Variants in GRHL2 observed in about 807,000 individuals in gnomAD.
GRHL2 encodes grainyhead-like protein 2 homolog.
In GRHL2, 21 loss-of-function variants were observed where a neutral mutation model predicts 83.8. The ratio of observed to expected loss-of-function variants is 0.25; its 90% CI spans 0.18 to 0.36. GRHL2 has a LOEUF of 0.36. Ranked by LOEUF, GRHL2 falls within the 10% of genes least tolerant of loss-of-function variation. GRHL2 has a pLI of 1.00. For synonymous variants in GRHL2, 280 were observed against 278.9 expected (o/e 1.00, Z -0.04); for missense variants, 623 against 781.8 (o/e 0.80, Z 2.42).
chr8:101,596,258 C>A (rs1463733542), intron 7 of GRHL2, among the ~76,000 whole-genome samples: 1 of 152,104 alleles, frequency 6.6e-6, no homozygotes, highest in South Asian at 2.1e-4. Context: ...TAATGAGTCA[C>A]CATGTTTTGC....
chr8:101,565,263 A>G (rs1811692483), intron 4 of GRHL2, among the ~76,000 whole-genome samples: 1 of 152,132 alleles, frequency 6.6e-6, no homozygotes, highest in African/African-American at 2.4e-5. Flanking sequence ...ATATTTTAAG[A>G]AACATTTAAA....
In GRHL2 at chr8:101,543,183, A is replaced by G; in HGVS notation, c.21-58A>G. ...GTAGTCATGTAATATGTATATTATT[A>G]GGGGTAAAAAATTTGCTCTCTCTGA... On this transcript the variant is annotated intron_variant, in intron 1 of 15. Coordinates refer to ENST00000646743, the MANE Select transcript of GRHL2 (RefSeq NM_024915.4). 4 of 1,200,142 alleles carry G rather than the reference A, an allele frequency of 3.3e-6. 1 individual carries two copies. The South Asian group carries it at 4.9e-5, about 15-fold the overall frequency. 74.3% of individuals were successfully genotyped at this position (1,200,142 alleles called of 1,614,324 possible).
At chr8:101,562,940 C>A (rs1318985574) in intron 4 of GRHL2, among the ~76,000 whole-genome samples, 3 of 152,120 alleles carry the variant, frequency 2.0e-5, no homozygotes, top group Non-Finnish European at 4.4e-5. Context: ...TAGCCTGCTG[C>A]CTATTTAATT....
intron 15 of GRHL2, among the ~76,000 whole-genome samples, chr8:101,665,631 T>C (rs934681291): frequency 2.0e-5 from 3 of 152,228 alleles, no homozygotes; most frequent in Non-Finnish European, 4.4e-5. Context: ...CAGAGGTACA[T>C]GCTGATGATA....
chr8:101,663,537 G>C (rs1398678488), intron 14 of GRHL2, among the ~76,000 whole-genome samples: 1 of 151,946 alleles, frequency 6.6e-6, no homozygotes. Flanking sequence ...ACTTGAACCT[G>C]GGAGGCAGAG....
In GRHL2 at chr8:101,652,330, G is replaced by GGTGT. The variant is rs1173769294; in HGVS notation, c.1698+2838_1698+2841dup. Among the ~76,000 whole-genome samples, 403 of 101,586 alleles carry GGTGT rather than the reference G, an allele frequency of 4.0e-3. 26 individuals are homozygous for GGTGT. Among genetic ancestry groups the GGTGT allele is most frequent in the African/African-American group, 0.021 (367 of 17,494 alleles). The allele number at this position is 101,586 out of a possible 152,430, so 66.6% of individuals were successfully genotyped here. On this transcript the variant is annotated intron_variant, in intron 14 of 15. Transcript: ENST00000646743. ...TGGTAGTGTGTGTGCGTGTGTGTGT[G>GGTGT]GTGTGTGTGTATGTGTGTGGTGTGT...
In GRHL2 at chr8:101,668,726, T is replaced by C. The variant is rs982136009; in HGVS notation, c.*2023T>C. 12 of 152,242 alleles carry C rather than the reference T, an allele frequency of 7.9e-5. No homozygotes were observed. Among genetic ancestry groups the C allele is most frequent in the African/African-American group, 2.4e-4 (10 of 41,442 alleles). 9.4% of individuals were successfully genotyped at this position (152,242 alleles called of 1,614,324 possible). A position where few individuals can be genotyped will look rare whatever the true frequency, so the allele number is the denominator to read the frequency against. On this transcript the variant is annotated 3_prime_UTR_variant, in exon 16 of 16. Transcript: ENST00000646743. The stretch of plus-strand genomic sequence containing the variant: ...TACATGTTGTACTATGCACTTCCCA[T>C]GCTCCTAGGGTTAGGAATAGTTTCA...
intron 1 of GRHL2, among the ~76,000 whole-genome samples, chr8:101,502,828 C>G (rs1810258824): frequency 6.6e-6 from 1 of 151,436 alleles, no homozygotes; most frequent in Non-Finnish European, 1.5e-5. Context: ...TTCTCTGTCC[C>G]CTTCTCCTTC....
intron 8 of GRHL2, among the ~76,000 whole-genome samples, chr8:101,608,762 CACACACACACACACACCT>C (rs1365249472): frequency 6.6e-6 from 1 of 150,378 alleles, no homozygotes; most frequent in African/African-American, 2.5e-5. Flanking sequence ...CACACACACA[CACACACACACACACACCT>C]ACACCTCATT....
In GRHL2 at chr8:101,502,835, C is replaced by T. The variant is rs71518821; in HGVS notation, c.20+10046C>T. 7.3e-3 allele frequency among the ~76,000 whole-genome samples: 1,115 copies of T among 152,022 alleles called. 12 individuals carry two copies. The highest frequency in any genetic ancestry group is 0.011 in the Non-Finnish European group (780 of 67,976). On this transcript the variant is annotated intron_variant, in intron 1 of 15. Coordinates refer to ENST00000646743, the MANE Select transcript of GRHL2 (RefSeq NM_024915.4). ...TTCTCTTCTTCTCTGTCCCCTTCTC[C>T]TTCTTTTTTTTCTTTCTCCCCCTTC...
intron 14 of GRHL2, among the ~76,000 whole-genome samples, chr8:101,653,519 A>G (rs865913983): frequency 1.3e-5 from 2 of 152,190 alleles, no homozygotes; most frequent in Middle Eastern, 3.4e-3. Flanking sequence ...ATGCCATCCC[A>G]CAGATGGATC....
intron 15 of GRHL2, among the ~76,000 whole-genome samples, chr8:101,665,269 G>A: frequency 6.6e-6 from 1 of 152,154 alleles, no homozygotes; most frequent in Middle Eastern, 3.2e-3. Flanking sequence ...ATGTGTGACG[G>A]TCTAAGAGTA....
Position 101,666,943 on chromosome 8 carries a change from A to G in GRHL2, c.*240A>G, listed in dbSNP as rs970004348. The G allele has an allele frequency of 1.0e-5, 6 of 585,598 alleles. No individual in the cohort carries two copies. Among genetic ancestry groups the G allele is most frequent in the African/African-American group, 9.4e-5 (5 of 53,434 alleles). 36.3% of individuals were successfully genotyped at this position (585,598 alleles called of 1,614,324 possible). ...CAGGAAGGTGCCTTAGGCCTGTTGG[A>G]TTCCTATTTATTGCCCACCTTTTCC... On this transcript the variant is annotated 3_prime_UTR_variant, in exon 16 of 16. Transcript: ENST00000646743.
rs574940326 is a variant in GRHL2, at chr8:101,581,606, A to G, written c.1003+4087A>G. ...GACTTGGAGTTAGTGATGGCCCCAT[A>G]TTAGTTAGTTAACACCGGTTTGAGG... On this transcript the variant is annotated intron_variant, in intron 7 of 15. Coordinates refer to ENST00000646743, the MANE Select transcript of GRHL2 (RefSeq NM_024915.4). 7.9e-5 allele frequency among the ~76,000 whole-genome samples: 12 copies of G among 152,338 alleles called. No homozygotes were observed. In the South Asian group the frequency reaches 2.5e-3, roughly 32 times the overall value.
chr8:101,523,776 C>G (rs2130056354), intron 1 of GRHL2, among the ~76,000 whole-genome samples: 1 of 152,224 alleles, frequency 6.6e-6, no homozygotes, highest in Non-Finnish European at 1.5e-5. Flanking sequence ...ACTGGCCCAG[C>G]CTTCTTTTCC....
intron 8 of GRHL2, among the ~76,000 whole-genome samples, chr8:101,612,512 G>GATACATACATAC (rs1329838226): frequency 4.1e-5 from 5 of 121,652 alleles, no homozygotes; most frequent in East Asian, 4.9e-4. Flanking sequence ...TAGATAGATA[G>GATACATACATAC]ATAGATAGAT....
chr8:101,644,912 A>G (rs1293322285), intron 13 of GRHL2, among the ~76,000 whole-genome samples: 1 of 151,398 alleles, frequency 6.6e-6, no homozygotes, highest in Admixed American at 6.6e-5. Flanking sequence ...CAGTAGCACG[A>G]TCATGGCTCA....
chr8:101,570,207 T>A, intron 4 of GRHL2, 132 bp from the exon 5 acceptor site: 1 of 791,946 alleles, frequency 1.3e-6, no homozygotes, highest in Non-Finnish European at 2.1e-6. Flanking sequence ...TTGCTGTAGT[T>A]GAAAACATAA....
At chr8:101,553,626 T>A (rs905337042) in intron 3 of GRHL2, among the ~76,000 whole-genome samples, 2 of 122,558 alleles carry the variant, frequency 1.6e-5, no homozygotes, top group African/African-American at 1.0e-4. Flanking sequence ...TCCACTTCTT[T>A]TTTTTTTTTT....
Sources: allele counts gnomAD v4.1 joint callset (sites outside exome capture counted in the v4.1 genomes callset), GRCh38; gene constraint gnomAD v4.1.1; transcripts MANE v1.5; gene names NCBI Gene and HGNC (gene_info 2026-07-23, HGNC 2026-07-21).